Variants in USH2A observed in about 807,000 individuals in gnomAD.
USH2A encodes Usher syndrome 2A (autosomal recessive, mild).
USH2A carries 443 observed loss-of-function variants against 538.9 expected under a neutral mutation model. The ratio of observed to expected loss-of-function variants is 0.82; its 90% CI spans 0.76 to 0.89. The LOEUF (loss-of-function observed/expected upper bound fraction) is 0.89. Ranked by LOEUF, USH2A falls within the 40% of genes least tolerant of loss-of-function variation. The probability of loss-of-function intolerance (pLI) is 0.00; values close to 1 mark genes in which losing one functional copy is unlikely to be tolerated. For synonymous variants in USH2A, 2,413 were observed against 2,273.5 expected, an observed-to-expected ratio of 1.06 and a Z score of -1.75; for missense variants, 6,633 against 6,324.8, an observed-to-expected ratio of 1.05 and a Z score of -1.65.
intron 38 of USH2A, among the ~76,000 whole-genome samples, chr1:215,929,776 A>G (rs1024606962): frequency 3.3e-5 from 5 of 152,070 alleles, no homozygotes; most frequent in African/African-American, 7.2e-5. Context: ...AGATTTGCTC[A>G]TAGTCACTCA....
At chr1:216,165,252 T>C (rs1056264715) in intron 21 of USH2A, among the ~76,000 whole-genome samples, 1 of 152,170 alleles carries the variant, frequency 6.6e-6, no homozygotes, top group Non-Finnish European at 1.5e-5. Context: ...ATGATATGTA[T>C]AGGTAAAAGT....
chr1:216,192,873 A>C (rs1266093304), intron 19 of USH2A, among the ~76,000 whole-genome samples: 1 of 152,126 alleles, frequency 6.6e-6, no homozygotes, highest in Non-Finnish European at 1.5e-5. Flanking sequence ...CACCATTAAT[A>C]ATAATCACTA....
intron 36 of USH2A, among the ~76,000 whole-genome samples, chr1:215,970,034 C>G (rs1342488155): frequency 6.6e-6 from 1 of 152,034 alleles, no homozygotes; most frequent in Non-Finnish European, 1.5e-5. Flanking sequence ...AAAACATAAT[C>G]TTGTCAAGCT....
chr1:215,634,805 A>C (rs1656424085), intron 69 of USH2A, 102 bp from the exon 70 acceptor site: 1 of 1,595,128 alleles, frequency 6.3e-7, no homozygotes, highest in Admixed American at 1.7e-5. Flanking sequence ...AGTTGAAAGC[A>C]GAAAGCAGTT....
At chr1:216,397,947 T>C (rs2039242015) in intron 3 of USH2A, among the ~76,000 whole-genome samples, 1 of 152,226 alleles carries the variant, frequency 6.6e-6, no homozygotes, top group African/African-American at 2.4e-5. Flanking sequence ...GGTTCTTTTC[T>C]TCTGGAGAAC....
chr1:215,815,615 A>G (rs1026193274), intron 48 of USH2A, among the ~76,000 whole-genome samples: 8 of 152,094 alleles, frequency 5.3e-5, no homozygotes, highest in African/African-American at 1.9e-4. Flanking sequence ...TTTTATAAAT[A>G]ATTTAGCCTA....
At chr1:215,854,411 C>T (rs1261576645) in intron 44 of USH2A, among the ~76,000 whole-genome samples, 1 of 152,006 alleles carries the variant, frequency 6.6e-6, no homozygotes, top group Non-Finnish European at 1.5e-5. Context: ...AAAGCATTCC[C>T]CCTGAGAACT....
intron 49 of USH2A, among the ~76,000 whole-genome samples, chr1:215,810,066 T>C (rs924725404): frequency 2.6e-5 from 4 of 152,152 alleles, no homozygotes; most frequent in Admixed American, 1.3e-4. Context: ...TTCATGAGAT[T>C]GCTTTTTTCC....
At chr1:216,023,293 T>G (rs1668881673) in intron 32 of USH2A, among the ~76,000 whole-genome samples, 2 of 151,676 alleles carry the variant, frequency 1.3e-5, no homozygotes, top group Non-Finnish European at 2.9e-5. Context: ...TCTATGTTTC[T>G]TAGATGGACA....
intron 21 of USH2A, among the ~76,000 whole-genome samples, chr1:216,172,756 T>C (rs2034296197): frequency 6.6e-6 from 1 of 152,202 alleles, no homozygotes; most frequent in Non-Finnish European, 1.5e-5. Flanking sequence ...TACTTGCTGT[T>C]TGTGAGCTGA....
At chr1:216,106,582 C>G (rs1336074884) in intron 21 of USH2A, among the ~76,000 whole-genome samples, 1 of 151,254 alleles carries the variant, frequency 6.6e-6, no homozygotes. Context: ...TCCTTCTCTC[C>G]CCTTACCACT....
intron 3 of USH2A, among the ~76,000 whole-genome samples, chr1:216,388,813 C>T (rs1328587057): frequency 6.6e-6 from 1 of 152,234 alleles, no homozygotes; most frequent in Non-Finnish European, 1.5e-5. Context: ...AAGGAAGCTC[C>T]TGCTGCTTTT....
At chr1:215,759,949 T>C in intron 56 of USH2A, 106 bp from the exon 57 acceptor site, 1 of 1,319,264 alleles carries the variant, frequency 7.6e-7, no homozygotes, top group Non-Finnish European at 1.1e-6. Flanking sequence ...CTGTTGATTT[T>C]AAAAAATATC....
At chr1:216,056,426 G>A (rs982957734) in intron 30 of USH2A, among the ~76,000 whole-genome samples, 2 of 152,160 alleles carry the variant, frequency 1.3e-5, no homozygotes, top group Non-Finnish European at 2.9e-5. Context: ...TGCTTTTGGA[G>A]TGAGTGTACT....
intron 4 of USH2A, among the ~76,000 whole-genome samples, chr1:216,350,149 T>C (rs1383947991): frequency 1.3e-5 from 2 of 152,036 alleles, no homozygotes; most frequent in Admixed American, 6.6e-5. Flanking sequence ...TGATAACTCA[T>C]TCACTATCAC....
intron 37 of USH2A, among the ~76,000 whole-genome samples, chr1:215,949,997 C>A (rs1488485180): frequency 6.6e-6 from 1 of 152,030 alleles, no homozygotes; most frequent in Non-Finnish European, 1.5e-5. Context: ...ATTAGAGCAA[C>A]CTACCATTTT....
chr1:215,993,440 G>A lies in USH2A; in HGVS notation c.6658-273C>T, dbSNP rs75102399. ...TCTTAAGTCAGAGCCTAGAGATGTA[G>A]GGCATATATTGACTGGATAAACAGC... On this transcript the variant is annotated intron_variant, in intron 34 of 71. Coordinates refer to ENST00000307340, the MANE Select transcript of USH2A (RefSeq NM_206933.4). Among the ~76,000 whole-genome samples, 4,211 of 151,820 alleles carry A rather than the reference G, an allele frequency of 0.028. 199 individuals carry two copies. Among genetic ancestry groups the A allele is most frequent in the African/African-American group, 0.097 (4,015 of 41,348 alleles).
At chr1:215,670,928 G>C in intron 64 of USH2A, 44 bp downstream of exon 64, 1 of 1,595,022 alleles carries the variant, frequency 6.3e-7, no homozygotes. Context: ...GTGCTGACGG[G>C]TGCAAACAAT....
intron 32 of USH2A, among the ~76,000 whole-genome samples, chr1:216,019,394 ATAATTTTGTAG>A (rs1446628026): frequency 6.6e-6 from 1 of 152,206 alleles, no homozygotes; most frequent in Non-Finnish European, 1.5e-5. Context: ...GACCAGGCTA[ATAATTTTGTAG>A]TAATTTTGTA....
Sources: allele counts gnomAD v4.1 joint callset (sites outside exome capture counted in the v4.1 genomes callset), GRCh38; gene constraint gnomAD v4.1.1; transcripts MANE v1.5; gene names NCBI Gene and HGNC (gene_info 2026-07-23, HGNC 2026-07-21).